Variants in LGSN observed in about 807,000 individuals in gnomAD.
LGSN encodes the protein lengsin.
Under a neutral mutation model 19.5 loss-of-function variants are expected in LGSN, and 21 were observed. The observed-to-expected ratio is 1.07, with a 90% CI of 0.76 to 1.55. The LOEUF (loss-of-function observed/expected upper bound fraction) is 1.55, where lower values mean the gene tolerates loss of function less well. Among genes scored for constraint, LGSN ranks in the 40% most tolerant of loss-of-function variants. The pLI is 0.00. For synonymous variants in LGSN, 257 were observed against 215.6 expected, an observed-to-expected ratio of 1.19 and a Z score of -1.68; for missense variants, 673 against 608.5, an observed-to-expected ratio of 1.11 and a Z score of -1.12.
the LGSN span, among the ~76,000 whole-genome samples, chr6:63,374,289 T>A: frequency 5.9e-5 from 9 of 152,334 alleles, no homozygotes; most frequent in African/African-American, 2.2e-4. Context: ...TAGGCAATTA[T>A]TTCAAAACAA....
the LGSN span, chr6:63,481,737 A>G: frequency 4.5e-6 from 1 of 223,278 alleles, no homozygotes; most frequent in Non-Finnish European, 9.0e-6. Flanking sequence ...GCTCCTCTCA[A>G]CTAGTTACAG....
chr6:63,284,186 A>T (rs1767437616), intron 3 of LGSN, among the ~76,000 whole-genome samples: 2 of 152,206 alleles, frequency 1.3e-5, no homozygotes, highest in South Asian at 2.1e-4. Context: ...ACAAAATAAT[A>T]ATAACTAGGT....
At chr6:63,331,752 G>A in the LGSN span, among the ~76,000 whole-genome samples, 30 of 152,276 alleles carry the variant, frequency 2.0e-4, no homozygotes, top group Middle Eastern at 3.4e-3. Context: ...ATGGAGGACC[G>A]AGGAAGGTCA....
chr6:63,319,374 A>G (rs1768998183), intron 1 of LGSN, among the ~76,000 whole-genome samples: 1 of 152,332 alleles, frequency 6.6e-6, no homozygotes, highest in East Asian at 1.9e-4. Flanking sequence ...CAGAAATACA[A>G]GAGTGAAGGT....
chr6:63,455,965 C>T, the LGSN span, among the ~76,000 whole-genome samples: 4 of 151,792 alleles, frequency 2.6e-5, no homozygotes, highest in Non-Finnish European at 5.9e-5. Context: ...TGCAGTGGCT[C>T]ACGCCTGTAA....
the LGSN span, among the ~76,000 whole-genome samples, chr6:63,541,738 G>A: frequency 1.3e-5 from 2 of 152,078 alleles, no homozygotes; most frequent in Non-Finnish European, 2.9e-5. Flanking sequence ...TAAAAAAGAT[G>A]CATTTATTAA....
the LGSN span, among the ~76,000 whole-genome samples, chr6:63,426,965 TTTA>T: frequency 2.6e-5 from 4 of 152,220 alleles, no homozygotes; most frequent in African/African-American, 9.6e-5. Flanking sequence ...CTAATGTCCT[TTTA>T]TATTCATATG....
chr6:63,399,643 G>T, the LGSN span, among the ~76,000 whole-genome samples: 2 of 151,592 alleles, frequency 1.3e-5, no homozygotes, highest in Non-Finnish European at 2.9e-5. Context: ...TGATCCACCC[G>T]CCTCGGCCTC....
intron 2 of LGSN, among the ~76,000 whole-genome samples, chr6:63,291,556 T>C (rs1767770877): frequency 6.6e-6 from 1 of 152,204 alleles, no homozygotes; most frequent in Non-Finnish European, 1.5e-5. Context: ...CATTCTGTTC[T>C]CCTGCTCTGT....
chr6:63,475,201 C>T, the LGSN span, among the ~76,000 whole-genome samples: 15 of 151,844 alleles, frequency 9.9e-5, no homozygotes, highest in East Asian at 2.9e-3. Flanking sequence ...CATTCATATA[C>T]CTCATCATAT....
intron 1 of LGSN, among the ~76,000 whole-genome samples, chr6:63,301,502 G>A (rs1768184499): frequency 1.3e-5 from 2 of 151,958 alleles, no homozygotes; most frequent in Non-Finnish European, 2.9e-5. Flanking sequence ...AGAAAAAAAT[G>A]CAAGAGGCTA....
chr6:63,497,918 C>CTTTTTTTTTTTT, the LGSN span, among the ~76,000 whole-genome samples: 90 of 121,856 alleles, frequency 7.4e-4, 3 homozygotes, highest in African/African-American at 9.7e-4. Flanking sequence ...TGTCATGTTT[C>CTTTTTTTTTTTT]TTTTTTTTTT....
the LGSN span, among the ~76,000 whole-genome samples, chr6:63,357,156 T>A: frequency 6.6e-6 from 1 of 152,104 alleles, no homozygotes; most frequent in African/African-American, 2.4e-5. Flanking sequence ...GCAAAGGACA[T>A]GAACTCATCA....
chr6:63,361,383 C>T, the LGSN span, among the ~76,000 whole-genome samples: 1 of 152,164 alleles, frequency 6.6e-6, no homozygotes, highest in Admixed American at 6.5e-5. Flanking sequence ...GCCTCACTGC[C>T]ACCTTGCAGT....
At chr6:63,384,334 C>A in the LGSN span, among the ~76,000 whole-genome samples, 15 of 152,140 alleles carry the variant, frequency 9.9e-5, no homozygotes, top group African/African-American at 3.6e-4. Context: ...GATCACATGA[C>A]CTAATTCTGC....
intron 1 of LGSN, among the ~76,000 whole-genome samples, chr6:63,301,520 G>A (rs1768185366): frequency 1.3e-5 from 2 of 152,066 alleles, no homozygotes; most frequent in South Asian, 4.1e-4. Flanking sequence ...CTATAAAAAG[G>A]ATTATGGAAA....
chr6:63,509,426 T>C, the LGSN span, among the ~76,000 whole-genome samples: 2 of 152,098 alleles, frequency 1.3e-5, no homozygotes, highest in Admixed American at 6.6e-5. Context: ...AATACAAAAT[T>C]CAATGAAATC....
chr6:63,456,492 G>T, the LGSN span, among the ~76,000 whole-genome samples: 3 of 149,244 alleles, frequency 2.0e-5, no homozygotes, highest in Non-Finnish European at 3.0e-5. Flanking sequence ...CCAAAGTACT[G>T]GGATTACAGC....
the LGSN span, among the ~76,000 whole-genome samples, chr6:63,358,722 G>C: frequency 0.13 from 19,839 of 152,200 alleles, 2,858 homozygotes; most frequent in African/African-American, 0.36. Flanking sequence ...TCAGCTTAAG[G>C]AGATTTTGGG....
Sources: gnomAD v4.1 joint callset for allele counts (sites outside exome capture counted in the v4.1 genomes callset) on GRCh38, gnomAD v4.1.1 for gene constraint, MANE v1.5 for transcripts, NCBI Gene and HGNC (gene_info 2026-07-23, HGNC 2026-07-21) for gene names.